Variants in SERPINB6 observed in about 807,000 individuals in gnomAD.
The protein encoded by SERPINB6 is serpin family B member 6.
SERPINB6 carries 16 observed loss-of-function variants against 26.1 expected under a neutral mutation model. The ratio of observed to expected loss-of-function variants is 0.61; its 90% CI spans 0.42 to 0.93. The LOEUF (loss-of-function observed/expected upper bound fraction) is 0.93, where lower values mean the gene tolerates loss of function less well. SERPINB6 is among the 40% of genes least tolerant of loss of function. SERPINB6 has a pLI of 0.00. For missense variants in SERPINB6, 420 were observed against 478.0 expected, an observed-to-expected ratio of 0.88 and a Z score of 1.13; for synonymous variants, 174 against 176.6, an observed-to-expected ratio of 0.99 and a Z score of 0.11.
chr6:2,969,849 T>C, intron 1 of SERPINB6: 16 of 971,058 alleles, frequency 1.6e-5, no homozygotes, highest in Non-Finnish European at 2.0e-5. Flanking sequence ...TTAAACATTA[T>C]TTTCAGGCTA....
At chr6:2,954,958 G>C (rs1402412736) in intron 3 of SERPINB6, 3 of 460,406 alleles carry the variant, frequency 6.5e-6, no homozygotes, top group Non-Finnish European at 1.2e-5. Flanking sequence ...GGGGGGCCGA[G>C]GCGGGTGGAT....
upstream of SERPINB6, chr6:2,971,615 G>A (rs1008841689): frequency 1.3e-5 from 2 of 152,198 alleles, no homozygotes; most frequent in African/African-American, 4.8e-5. Context: ...GGGGAGGCGG[G>A]CGGAGTCCCG....
At chr6:2,970,539 C>A in intron 1 of SERPINB6, 1 of 1,193,182 alleles carries the variant, frequency 8.4e-7, no homozygotes, top group Non-Finnish European at 1.0e-6. Context: ...TCGCATCAGG[C>A]CTGACCCCCA....
intron 1 of SERPINB6, chr6:2,966,958 GA>G (rs1182612157): frequency 2.0e-6 from 2 of 985,216 alleles, no homozygotes; most frequent in Non-Finnish European, 2.4e-6. Flanking sequence ...CCTAGCTTGG[GA>G]AAAAAATGTA....
Position 2,948,960 on chromosome 6 carries a change from A to G in SERPINB6, c.683T>C (p.Leu228Pro). Residue 228 changes from leucine (L) to proline (P), a missense_variant, in exon 6 of 7, where the codon CTG (leucine) becomes CCG (proline). Leu to Pro is a moderately conservative substitution (Grantham distance 98). Transcript: ENST00000380539. This position sits in a 1 kb window ranked among gnomAD's most constrained non-coding sequence, Gnocchi z 5.0. ...GTCCGGAAGCATGATGATCATATTC[A>G]GTTCCTTGCCAACATATGGAAGCAC... ...ILVLPYVGKE[L>P]NMIIMLPDET... The G allele has an allele frequency of 6.2e-7, 1 of 1,614,246 alleles. No homozygotes were observed. Among genetic ancestry groups the G allele is most frequent in the Non-Finnish European group, 8.5e-7 (1 of 1,180,044 alleles).
rs1350339907 is a variant in SERPINB6, at chr6:2,971,081, A to AG, written c.-11+451dup. On this transcript the variant is annotated intron_variant, in intron 1 of 6. Coordinates refer to ENST00000380539, the MANE Select transcript of SERPINB6 (RefSeq NM_004568.6). ...CGTCCTCCGGGTCGCGGAGCGGGCG[A>AG]GGGGTCACCGAGGCCGCGGGGCCGA... 5.3e-6 allele frequency: 6 copies of AG among 1,134,392 alleles called. No individual in the cohort carries two copies. In the African/African-American group the frequency reaches 9.7e-5, roughly 18 times the overall value. The allele number at this position is 1,134,392 out of a possible 1,614,324, so 70.3% of individuals were successfully genotyped here.
chr6:2,962,090 G>A (rs958427768), intron 1 of SERPINB6: 33 of 985,236 alleles, frequency 3.3e-5, no homozygotes, highest in African/African-American at 5.2e-5. Context: ...CTCCGTCTCC[G>A]GTAATATCCC....
intron 2 of SERPINB6, among the ~76,000 whole-genome samples, chr6:2,958,607 C>T (rs182234075): frequency 1.3e-5 from 2 of 152,132 alleles, no homozygotes; most frequent in Non-Finnish European, 2.9e-5. Flanking sequence ...CCCAGCGCCC[C>T]GCTGAGCCCC....
In SERPINB6 at chr6:2,959,244, G is replaced by A. The variant is rs1487326938; in HGVS notation, c.89C>T (p.Ser30Leu). The A allele has an allele frequency of 3.1e-6, 5 of 1,614,054 alleles. No homozygotes were observed. The highest frequency in any genetic ancestry group is 4.2e-6 in the Non-Finnish European group (5 of 1,180,038). Residue 30 changes from serine to leucine, a missense_variant, in exon 2 of 7, where the codon TCA (serine) becomes TTA (leucine). Transcript: ENST00000380539. ...CAGGGCACAGGACATGCTCATGGGTGAGAAAAACACATTCTTCGAGTTGTC... is the reference window on the plus strand; with the variant it reads ...CAGGGCACAGGACATGCTCATGGGTAAGAAAAACACATTCTTCGAGTTGTC... ...GKDNSKNVFF[S>L]PMSMSCALAM...
intron 1 of SERPINB6, among the ~76,000 whole-genome samples, chr6:2,965,674 T>C (rs955643691): frequency 2.0e-5 from 3 of 152,256 alleles, no homozygotes; most frequent in Non-Finnish European, 2.9e-5. Context: ...TCTATACCTG[T>C]ACTTATGTCT....
In SERPINB6 at chr6:2,948,833, C is replaced by T. The variant is rs531077615; in HGVS notation, c.729+81G>A. On this transcript the variant is annotated intron_variant, in intron 6 of 6. Coordinates refer to ENST00000380539, the MANE Select transcript of SERPINB6 (RefSeq NM_004568.6). This position sits in a 1 kb window ranked among gnomAD's most constrained non-coding sequence, Gnocchi z 5.0. ...AGCGCTCCAGTGTTAAACGGCTGAC[C>T]GCAAAGTAGGGACAGCAGCCACAGC... 72 of 1,598,232 alleles carry T rather than the reference C, an allele frequency of 4.5e-5. No individual in the cohort carries two copies. The highest frequency in any genetic ancestry group is 5.2e-5 in the Non-Finnish European group (61 of 1,167,428).
chr6:2,961,718 A>T (rs1192402739), intron 1 of SERPINB6, among the ~76,000 whole-genome samples: 1 of 152,054 alleles, frequency 6.6e-6, no homozygotes, highest in East Asian at 1.9e-4. Flanking sequence ...AAGAGGGCTC[A>T]GCCCACGTGG....
Position 2,948,740 on chromosome 6 carries a change from G to C in SERPINB6, c.730-41C>G. ...TGAAGACTTTAAGACCCAGGGTGCT[G>C]CTGCCCAGCAGGGCCCTGTGCTATG... On this transcript the variant is annotated intron_variant, in intron 6 of 6. Coordinates refer to ENST00000380539, the MANE Select transcript of SERPINB6 (RefSeq NM_004568.6). The surrounding 1 kb of genome is among the most constrained non-coding windows in gnomAD (Gnocchi z 5.0). The C allele has an allele frequency of 6.2e-7, 1 of 1,600,996 alleles. No homozygotes were observed. Among genetic ancestry groups the C allele is most frequent in the Non-Finnish European group, 8.6e-7 (1 of 1,168,594 alleles).
At chr6:2,959,417 G>A in intron 1 of SERPINB6, 75 bp from the exon 2 acceptor site, 1 of 1,490,338 alleles carries the variant, frequency 6.7e-7, no homozygotes, top group Non-Finnish European at 9.3e-7. Flanking sequence ...CTTACCGACA[G>A]TCACCGCCGA....
intron 5 of SERPINB6, among the ~76,000 whole-genome samples, chr6:2,949,719 C>T (rs768854170): frequency 7.2e-4 from 109 of 152,324 alleles, no homozygotes; most frequent in Non-Finnish European, 1.0e-3. Context: ...CAGAGGGGCC[C>T]GGTAGAACCT....
intron 1 of SERPINB6, chr6:2,959,946 T>C (rs974089709): frequency 1.7e-5 from 3 of 171,634 alleles, no homozygotes; most frequent in Admixed American, 1.7e-4. Context: ...AAAGCCCCAA[T>C]TTTGGACCAC....
At chr6:2,968,418 A>G (rs984910834) in intron 1 of SERPINB6, 3 of 896,102 alleles carry the variant, frequency 3.3e-6, no homozygotes, top group Non-Finnish European at 4.0e-6. Flanking sequence ...TACCTATGTC[A>G]CAAACCTGCG....
intron 1 of SERPINB6, chr6:2,968,834 G>C (rs2113354694): frequency 8.1e-7 from 1 of 1,231,614 alleles, no homozygotes; most frequent in African/African-American, 1.5e-5. Context: ...CTTCACTGCA[G>C]TGTGCTCAAG....
intron 1 of SERPINB6, among the ~76,000 whole-genome samples, chr6:2,965,680 T>C (rs979081624): frequency 6.6e-6 from 1 of 152,242 alleles, no homozygotes; most frequent in Non-Finnish European, 1.5e-5. Flanking sequence ...CCTGTACTTA[T>C]GTCTAGCAAA....
Sources: gnomAD v4.1 joint callset for allele counts (sites outside exome capture counted in the v4.1 genomes callset) on GRCh38, gnomAD v4.1.1 for gene constraint, Gnocchi (gnomAD v3.1) non-coding constraint, MANE v1.5 for transcripts, NCBI Gene and HGNC (gene_info 2026-07-23, HGNC 2026-07-21) for gene names.